LRMDA: variants seen among roughly 807,000 people sequenced by gnomAD.
The protein encoded by LRMDA is leucine rich melanocyte differentiation associated.
Under a neutral mutation model 29.8 loss-of-function variants are expected in LRMDA, and 18 were observed. The observed-to-expected ratio is 0.60, with a 90% CI of 0.42 to 0.90. The LOEUF (loss-of-function observed/expected upper bound fraction) is 0.90. Ranked by LOEUF, LRMDA falls within the 40% of genes least tolerant of loss-of-function variation. LRMDA has a pLI of 0.00. For missense variants in LRMDA, 273 were observed against 273.9 expected (o/e 1.00, Z 0.02); for synonymous variants, 125 against 109.4 (o/e 1.14, Z -0.89).
chr10:76,319,808 G>A (rs1840746127), intron 5 of LRMDA, among the ~76,000 whole-genome samples: 1 of 152,176 alleles, frequency 6.6e-6, no homozygotes, highest in Admixed American at 6.5e-5. Context: ...ATTTAAGGGT[G>A]AGCGAGCATG....
intron 5 of LRMDA, among the ~76,000 whole-genome samples, chr10:76,192,263 A>G (rs1164046328): frequency 6.6e-6 from 1 of 152,212 alleles, no homozygotes; most frequent in East Asian, 1.9e-4. Flanking sequence ...TTTCTTAGAT[A>G]TGACACAGAG....
chr10:75,868,836 G>T (rs1344741193), intron 2 of LRMDA, among the ~76,000 whole-genome samples: 1 of 152,126 alleles, frequency 6.6e-6, no homozygotes, highest in African/African-American at 2.4e-5. Flanking sequence ...TCTCACCCAG[G>T]ATTTCTCCAC....
chr10:75,923,500 A>G (rs1406401185), intron 2 of LRMDA, among the ~76,000 whole-genome samples: 1 of 152,216 alleles, frequency 6.6e-6, no homozygotes, highest in East Asian at 1.9e-4. Flanking sequence ...AAATGGCTTG[A>G]CGTTATTGGT....
At chr10:76,468,460 T>C (rs915223873) in intron 6 of LRMDA, among the ~76,000 whole-genome samples, 3 of 152,228 alleles carry the variant, frequency 2.0e-5, no homozygotes, top group South Asian at 2.1e-4. Context: ...TTCTGTTTTA[T>C]TTAAGCTATT....
At chr10:75,761,302 A>C (rs1458099488) in intron 2 of LRMDA, among the ~76,000 whole-genome samples, 1 of 152,230 alleles carries the variant, frequency 6.6e-6, no homozygotes, top group East Asian at 1.9e-4. Context: ...CAACAGATGA[A>C]TGGATAAACA....
At chr10:76,139,839 A>G (rs1269204578) in intron 5 of LRMDA, among the ~76,000 whole-genome samples, 4 of 152,108 alleles carry the variant, frequency 2.6e-5, no homozygotes, top group Non-Finnish European at 5.9e-5. Context: ...AAAGCAGGTT[A>G]GCAGTTTTCT....
At position 76,210,625 on chromosome 10, in the gene LRMDA, G is replaced by A. The variant is rs571412907; in HGVS notation, c.517-113776G>A. 1.9e-4 allele frequency among the ~76,000 whole-genome samples: 29 copies of A among 152,290 alleles called. No homozygotes were observed. The South Asian group carries it at 4.6e-3, about 24-fold the overall frequency. On this transcript the variant is annotated intron_variant, in intron 5 of 6. Coordinates refer to ENST00000611255, the MANE Select transcript of LRMDA (RefSeq NM_001305581.2). ...TATTATGGCTGACAGTTATTTGTGG[G>A]TTAGTGGGAACAGTGGTGGTGCAGG...
intron 5 of LRMDA, among the ~76,000 whole-genome samples, chr10:76,153,642 A>C (rs960098490): frequency 3.3e-5 from 5 of 152,228 alleles, no homozygotes; most frequent in African/African-American, 1.2e-4. Flanking sequence ...TTTAAATGTA[A>C]TATTTATCAG....
Position 76,360,615 on chromosome 10 carries a change from TG to T in LRMDA, c.601+36131del, listed in dbSNP as rs1459389324. 1.2e-4 allele frequency among the ~76,000 whole-genome samples: 19 copies of T among 152,342 alleles called. No homozygotes were observed. The South Asian group carries it at 3.9e-3, about 32-fold the overall frequency. On this transcript the variant is annotated intron_variant, in intron 6 of 6. Transcript: ENST00000611255. The stretch of plus-strand genomic sequence containing the variant: ...GGTTTATAACAATTTCTAACCAACT[TG>T]TTTAATCCCCACAGTTCTGTGAAGT...
At chr10:76,100,330 A>C (rs1292223455) in intron 5 of LRMDA, among the ~76,000 whole-genome samples, 1 of 152,206 alleles carries the variant, frequency 6.6e-6, no homozygotes, top group Non-Finnish European at 1.5e-5. Context: ...AAAAAAGAAA[A>C]AAAACTCTCA....
intron 2 of LRMDA, among the ~76,000 whole-genome samples, chr10:75,541,421 T>A (rs561904687): frequency 1.5e-5 from 2 of 137,382 alleles, no homozygotes; most frequent in African/African-American, 5.2e-5. Context: ...TTTTTTTTTT[T>A]AAGCAGAGAC....
intron 2 of LRMDA, among the ~76,000 whole-genome samples, chr10:75,540,560 C>T (rs938478539): frequency 3.9e-5 from 6 of 152,228 alleles, no homozygotes; most frequent in African/African-American, 7.2e-5. Flanking sequence ...CTTACCTCCC[C>T]ACTAGCACTC....
chr10:75,692,637 T>G (rs559431409), intron 2 of LRMDA, among the ~76,000 whole-genome samples: 13 of 148,848 alleles, frequency 8.7e-5, no homozygotes, highest in South Asian at 6.4e-4. Flanking sequence ...GGATGAGAGA[T>G]AGAATCTTGC....
chr10:76,503,894 T>A (rs1842935554), intron 6 of LRMDA, among the ~76,000 whole-genome samples: 1 of 151,236 alleles, frequency 6.6e-6, no homozygotes, highest in Non-Finnish European at 1.5e-5. Context: ...TTTTTTTTTT[T>A]AAGTTCCTCT....
intron 2 of LRMDA, among the ~76,000 whole-genome samples, chr10:75,733,468 C>CCCTAACTTCATGAGCAAACTCTCTGG: frequency 6.6e-6 from 1 of 152,228 alleles, no homozygotes; most frequent in South Asian, 2.1e-4. Flanking sequence ...TGTAAACATG[C>CCCTAACTTCATGAGCAAACTCTCTGG]CCTTTATCTC....
chr10:75,484,770 A>G (rs1041853316), intron 2 of LRMDA, among the ~76,000 whole-genome samples: 9 of 152,200 alleles, frequency 5.9e-5, no homozygotes, highest in African/African-American at 1.4e-4. Flanking sequence ...GAGACACAGC[A>G]AGAAGGTGGC....
intron 5 of LRMDA, among the ~76,000 whole-genome samples, chr10:76,111,506 AGG>A (rs1849578442): frequency 6.6e-6 from 1 of 152,266 alleles, no homozygotes; most frequent in Non-Finnish European, 1.5e-5. Flanking sequence ...GTCATGATTC[AGG>A]TTTCCAGCAT....
intron 2 of LRMDA, among the ~76,000 whole-genome samples, chr10:75,792,347 C>G (rs1157170939): frequency 6.6e-6 from 1 of 152,074 alleles, no homozygotes; most frequent in Admixed American, 6.5e-5. Flanking sequence ...TAACTGCAAC[C>G]TCCGCCTCCC....
intron 5 of LRMDA, among the ~76,000 whole-genome samples, chr10:76,303,381 G>A (rs1026288063): frequency 6.6e-6 from 1 of 152,110 alleles, no homozygotes; most frequent in African/African-American, 2.4e-5. Context: ...ACCAGCTGGC[G>A]TGGTTCTGTG....
Sources: gnomAD v4.1 joint callset for allele counts (sites outside exome capture counted in the v4.1 genomes callset) on GRCh38, gnomAD v4.1.1 for gene constraint, MANE v1.5 for transcripts, NCBI Gene and HGNC (gene_info 2026-07-23, HGNC 2026-07-21) for gene names.